Variants in LY6D observed in about 807,000 individuals in gnomAD.
LY6D encodes the protein lymphocyte antigen 6 family member D, also known as lymphocyte antigen 6D.
A neutral mutation model predicts 5.6 loss-of-function variants in LY6D; 7 were observed. That is an observed-to-expected ratio of 1.24 (90% CI 0.71 to 2.34). The LOEUF (loss-of-function observed/expected upper bound fraction) is 2.34. LY6D is among the 30% of genes most tolerant of loss of function. The probability of loss-of-function intolerance (pLI) is 0.00; values close to 1 mark genes in which losing one functional copy is unlikely to be tolerated. For synonymous variants in LY6D, 81 were observed against 75.0 expected (o/e 1.08, Z -0.41); for missense variants, 148 against 164.8 (o/e 0.90, Z 0.56).
chr8:142,785,344 C>T lies in LY6D; in HGVS notation c.264G>A (p.Gln88=). 1.2e-6 allele frequency: 2 copies of T among 1,613,794 alleles called. No individual in the cohort carries two copies. The highest frequency in any genetic ancestry group is 2.2e-5 in the South Asian group (2 of 91,080). ...SSGTSSTQCC[Q]EDLCNEKLHN... ...GCAGCTTCTCATTGCACAGGTCCTC[C>T]TGGCAGCACTGGGTGGAGCTGGTGC... The change falls in exon 3 of 3, where the codon CAG becomes CAA. Residue 88 remains glutamine, a synonymous_variant. Transcript: ENST00000301263.
At position 142,785,476 on chromosome 8, in the gene LY6D, G is replaced by C; in HGVS notation, c.152-20C>G. On this transcript the variant is annotated intron_variant, in intron 2 of 2. Transcript: ENST00000301263. ...GCTCCACTGGGCACAGGTGAGTGTG[G>C]TCAGGCCAGGCAGCCACCTCTGCCC... is the stretch of plus-strand genomic sequence containing the variant. 1 of 1,602,850 alleles carries C rather than the reference G, an allele frequency of 6.2e-7. No homozygotes were observed. The highest frequency in any genetic ancestry group is 8.5e-7 in the Non-Finnish European group (1 of 1,171,320).
intron 1 of LY6D, chr8:142,786,222 C>T (rs947267244): frequency 2.2e-6 from 3 of 1,344,752 alleles, no homozygotes; most frequent in Non-Finnish European, 2.9e-6. Context: ...AGACAACCCC[C>T]TGCTCCACTC....
Sources: gnomAD v4.1 joint callset for allele counts on GRCh38, gnomAD v4.1.1 for gene constraint, MANE v1.5 for transcripts, NCBI Gene and HGNC (gene_info 2026-07-23, HGNC 2026-07-21) for gene names.